MIB2: variants seen among roughly 807,000 people sequenced by gnomAD.
The protein encoded by MIB2 is E3 ubiquitin-protein ligase MIB2.
A neutral mutation model predicts 96.6 loss-of-function variants in MIB2; 78 were observed. The observed-to-expected ratio is 0.81, with a 90% CI of 0.67 to 0.97. The LOEUF is 0.97. Among genes scored for constraint, MIB2 ranks in the 50% least tolerant of loss-of-function variants. The pLI is 0.00. For synonymous variants in MIB2, 820 were observed against 629.5 expected, an observed-to-expected ratio of 1.30 and a Z score of -4.53; for missense variants, 1,543 against 1,424.0, an observed-to-expected ratio of 1.08 and a Z score of -1.35.
chr1:1,614,632 T>TTGGGAGCTAACAGGACC (rs1643434602), upstream of MIB2: 1 of 152,246 alleles, frequency 6.6e-6, no homozygotes, highest in South Asian at 2.1e-4. Flanking sequence ...GGTTGACAGT[T>TTGGGAGCTAACAGGACC]TGGGAGCTAA....
Position 1,629,281 on chromosome 1 carries a change from A to G in MIB2, c.2351A>G (p.Lys784Arg). The change falls in exon 17 of 20, where the codon AAG (lysine) becomes AGG (arginine). Residue 784 changes from lysine (K) to arginine (R), a missense_variant. Lys to Arg is a conservative substitution (Grantham distance 26). Coordinates refer to ENST00000355826, the MANE Select transcript of MIB2 (RefSeq NM_001170687.4). ...CTGGCCGCCGAGGGTCGCGTGCTCA[A>G]GGCCCTTCAGGGCTGCGCCCAGCGC... The part of the protein sequence containing the change: ...LDLAAEGRVL[K>R]ALQGCAQRFR... 1 of 1,538,582 alleles carries G rather than the reference A, an allele frequency of 6.5e-7. No homozygotes were observed. Among genetic ancestry groups the G allele is most frequent in the Non-Finnish European group, 8.7e-7 (1 of 1,155,158 alleles).
chr1:1,616,074 A>G (rs1643613107), intron 1 of MIB2: 1 of 983,950 alleles, frequency 1.0e-6, no homozygotes, highest in Admixed American at 6.2e-5. Flanking sequence ...GCGGGACGGA[A>G]ACGTCCGGGC....
chr1:1,622,684 G>A (rs1056470096), intron 2 of MIB2, among the ~76,000 whole-genome samples: 6 of 152,218 alleles, frequency 3.9e-5, no homozygotes, highest in Admixed American at 2.0e-4. Flanking sequence ...GAGGACCCAG[G>A]AACCTGCCTC....
chr1:1,615,429 C>G (rs1424282595), upstream of MIB2: 9 of 1,493,770 alleles, frequency 6.0e-6, no homozygotes, highest in South Asian at 9.1e-5. Context: ...CCGGTGCTTG[C>G]CCTGCCCATC....
intron 1 of MIB2, 184 bp from the exon 2 acceptor site, chr1:1,616,324 C>T: frequency 2.1e-6 from 1 of 471,016 alleles, no homozygotes; most frequent in Non-Finnish European, 3.6e-6. Flanking sequence ...ATTACGGGCC[C>T]GGCGCTGGCG....
At chr1:1,624,289 C>T in intron 4 of MIB2, 1 of 409,108 alleles carries the variant, frequency 2.4e-6, no homozygotes, top group Admixed American at 4.2e-5. Context: ...CTGCTTGGGG[C>T]AAGGACAGCC....
intron 16 of MIB2, among the ~76,000 whole-genome samples, 158 bp downstream of exon 16, chr1:1,628,880 C>A (rs1380549623): frequency 6.6e-6 from 1 of 152,210 alleles, no homozygotes; most frequent in Non-Finnish European, 1.5e-5. Flanking sequence ...TCTATGTGAT[C>A]CTTCAGCCTG....
rs1193104095 is a variant in MIB2 at position 1,615,525 on chromosome 1, C to T, written c.-238C>T. On this transcript the variant is annotated 5_prime_UTR_variant, in exon 1 of 20. Transcript: ENST00000355826. Reference sequence around the variant, plus strand: ...GCCCTTCGGGTCCCACAGTTTCCAGCCGCCGCTCTCCTCAGTGCCCGGTGG... The same window carrying T: ...GCCCTTCGGGTCCCACAGTTTCCAGTCGCCGCTCTCCTCAGTGCCCGGTGG... The T allele has an allele frequency of 2.6e-6, 4 of 1,532,292 alleles. No individual in the cohort carries two copies. Among genetic ancestry groups the T allele is most frequent in the African/African-American group, 2.8e-5 (2 of 72,182 alleles). 94.9% of individuals were successfully genotyped at this position (1,532,292 alleles called of 1,614,324 possible).
rs1359514473 is a variant in MIB2 at position 1,629,135 on chromosome 1, A to G, written c.2205A>G (p.Leu735=). 8 of 1,486,824 alleles carry G rather than the reference A, an allele frequency of 5.4e-6. No homozygotes were observed. The highest frequency in any genetic ancestry group is 2.9e-5 in the African/African-American group (2 of 68,078). 92.1% of individuals were successfully genotyped at this position (1,486,824 alleles called of 1,614,324 possible). A position where few individuals can be genotyped will look rare whatever the true frequency, so the allele number is the denominator to read the frequency against. ...DPGPLQLLSR[L]QASGLPGSAE... is the part of the protein sequence containing the mutation. ...CCGGCGTCTGTCCTGCCGCCCAGCT[A>G]CAGGCCTCGGGCCTCCCCGGCAGCG... is the stretch of plus-strand genomic sequence containing the variant. The change falls in exon 17 of 20, where the codon CTA becomes CTG. Residue 735 remains leucine (L), a splice_region_variant and synonymous_variant. Transcript: ENST00000355826.
intron 4 of MIB2, 137 bp from the exon 5 acceptor site, chr1:1,624,658 G>C: frequency 1.2e-6 from 1 of 806,366 alleles, no homozygotes; most frequent in Non-Finnish European, 2.1e-6. Flanking sequence ...CCATTCCCGG[G>C]CAAGAGCTGG....
upstream of MIB2, chr1:1,615,450 G>T (rs539969269): frequency 6.6e-7 from 1 of 1,511,906 alleles, no homozygotes; most frequent in Admixed American, 2.1e-5. Context: ...CCCGTGGCGG[G>T]GGCGTGGCCA....
At chr1:1,623,749 C>T (rs1441813566) in intron 3 of MIB2, 25 bp from the exon 4 acceptor site, 17 of 1,557,054 alleles carry the variant, frequency 1.1e-5, no homozygotes, top group East Asian at 2.4e-5. Context: ...GCGGGAACGC[C>T]CCTCTGACCC....
Position 1,628,697 on chromosome 1 carries a change from C to T in MIB2, c.2177C>T (p.Pro726Leu), listed in dbSNP as rs753978633. The change falls in exon 16 of 20, where the codon CCA becomes CTA. Residue 726 changes from proline (P) to leucine (L), a missense_variant. Transcript: ENST00000355826. ...GTGGCTGATGGGGCCGGGGGGGACC[C>T]AGGGCCCTTGCAGCTGCTGTCCAGG... The part of the protein sequence containing the change: ...PLVADGAGGD[P>L]GPLQLLSRLQ... 2.6e-6 allele frequency: 4 copies of T among 1,560,096 alleles called. No individual in the cohort carries two copies. The South Asian group carries it at 4.7e-5, about 18-fold the overall frequency.
chr1:1,629,110 C>A (rs1212438233), intron 16 of MIB2, 23 bp from the exon 17 acceptor site: 5 of 1,434,480 alleles, frequency 3.5e-6, no homozygotes, highest in Non-Finnish European at 4.5e-6. Context: ...CCCGCCCTCA[C>A]CGGCGTCTGT....
At chr1:1,624,023 T>G (rs1400486574) in intron 4 of MIB2, 78 bp downstream of exon 4, 1 of 1,463,304 alleles carries the variant, frequency 6.8e-7, no homozygotes, top group Non-Finnish European at 9.2e-7. Flanking sequence ...TCGGGGAGGG[T>G]GCTGCCTCCT....
In MIB2 at chr1:1,630,592, G is replaced by C. The variant is rs137939848; in HGVS notation, c.*62G>C. On this transcript the variant is annotated 3_prime_UTR_variant, in exon 20 of 20. Transcript: ENST00000355826. Reference sequence around the variant, plus strand: ...GCCCCCGCCCTGTGTTTTATAAAAAGAAAGATTCTCGGACGTTGCCTCTGC... The same window carrying C: ...GCCCCCGCCCTGTGTTTTATAAAAACAAAGATTCTCGGACGTTGCCTCTGC... The C allele has an allele frequency of 0.038, 51,294 of 1,338,808 alleles. 1,217 individuals are homozygous for C. Among genetic ancestry groups the C allele is most frequent in the Non-Finnish European group, 0.043 (43,411 of 1,009,260 alleles). The allele number at this position is 1,338,808 out of a possible 1,614,324, so 82.9% of individuals were successfully genotyped here. A position where few individuals can be genotyped will look rare whatever the true frequency, so the allele number is the denominator to read the frequency against.
chr1:1,615,634 G>A lies in MIB2; in HGVS notation c.-130+1G>A. ...ATGCGGGCCGTCCTCTCGGCTGATG[G>A]TGCGTGCGGGCGCGGATCTCCTCCC... On this transcript the variant is annotated splice_donor_variant, in intron 1 of 19. Transcript: ENST00000355826. LOFTEE classifies it low-confidence loss of function (5UTR_SPLICE). 1.3e-6 allele frequency: 2 copies of A among 1,574,886 alleles called. No homozygotes were observed. Among genetic ancestry groups the A allele is most frequent in the South Asian group, 1.2e-5 (1 of 85,940 alleles).
chr1:1,615,371 C>G, upstream of MIB2: 1 of 1,421,058 alleles, frequency 7.0e-7, no homozygotes, highest in Non-Finnish European at 9.1e-7. Context: ...CGGAACCTAG[C>G]TGCGCCACGC....
chr1:1,628,297 G>C lies in MIB2; in HGVS notation c.1866G>C (p.Arg622=). ...GAGCTGTGAGAAAGATTCTGGCTCG[G>C]GCGCGGCAGCTGGTGGACGCCAAGA... The part of the protein sequence containing the change: ...HALAVRKILA[R]ARQLVDAKKE... Residue 622 remains arginine (R), a synonymous_variant, in exon 15 of 20, where the codon CGG becomes CGC. Coordinates refer to ENST00000355826, the MANE Select transcript of MIB2 (RefSeq NM_001170687.4). The C allele has an allele frequency of 6.2e-7, 1 of 1,613,002 alleles. No homozygotes were observed.
Sources: gnomAD v4.1 joint callset for allele counts (sites outside exome capture counted in the v4.1 genomes callset) on GRCh38, gnomAD v4.1.1 for gene constraint, MANE v1.5 for transcripts, NCBI Gene and HGNC (gene_info 2026-07-23, HGNC 2026-07-21) for gene names.